The following GNAZ variants were observed in gnomAD, a reference collection of about 807,000 sequenced individuals.
The protein encoded by GNAZ is G protein subunit alpha z.
A neutral mutation model predicts 25.4 loss-of-function variants in GNAZ; 3 were observed. The observed-to-expected ratio is 0.12, with a 90% CI of 0.05 to 0.30. The LOEUF is 0.30. Ranked by LOEUF, GNAZ falls within the 10% of genes least tolerant of loss-of-function variation. The pLI is 1.00. For synonymous variants in GNAZ, 211 were observed against 205.7 expected (o/e 1.03, Z -0.22); for missense variants, 241 against 501.8 (o/e 0.48, Z 4.97).
chr22:23,075,225 C>G (rs995523894), intron 1 of GNAZ, among the ~76,000 whole-genome samples: 1 of 152,122 alleles, frequency 6.6e-6, no homozygotes, highest in East Asian at 1.9e-4. Flanking sequence ...CCTGAGTGGG[C>G]GGGTGGGTTG....
chr22:23,081,504 T>C (rs546280803), intron 1 of GNAZ, among the ~76,000 whole-genome samples: 8 of 152,102 alleles, frequency 5.3e-5, no homozygotes, highest in Admixed American at 4.6e-4. Context: ...ATTAGAAATA[T>C]ATGTTATAGG....
At chr22:23,115,275 A>C (rs2069792137) in intron 2 of GNAZ, among the ~76,000 whole-genome samples, 1 of 152,178 alleles carries the variant, frequency 6.6e-6, no homozygotes. Context: ...GAGGTATGTG[A>C]CAAGGCTCTG....
Position 23,123,626 on chromosome 22 carries a change from C to T in GNAZ, c.*195C>T, listed in dbSNP as rs943733737. The T allele has an allele frequency of 3.7e-5, 22 of 591,974 alleles. No homozygotes were observed. In the African/African-American group the frequency reaches 4.1e-4, roughly 11 times the overall value. The allele number at this position is 591,974 out of a possible 1,614,324, so 36.7% of individuals were successfully genotyped here. A position where few individuals can be genotyped will look rare whatever the true frequency, so the allele number is the denominator to read the frequency against. On this transcript the variant is annotated 3_prime_UTR_variant, in exon 3 of 3. Transcript: ENST00000615612. The stretch of plus-strand genomic sequence containing the variant: ...ACGGATAGATTGCTAGGTAGATAGA[C>T]ACACACACATGCACACACACACATC...
chr22:23,095,281 G>C lies in GNAZ; in HGVS notation c.-415G>C. The C allele has an allele frequency of 5.1e-6, 1 of 196,122 alleles. No individual in the cohort carries two copies. Among genetic ancestry groups the C allele is most frequent in the Non-Finnish European group, 1.0e-5 (1 of 95,728 alleles). The allele number at this position is 196,122 out of a possible 1,614,324, so 12.1% of individuals were successfully genotyped here. A position where few individuals can be genotyped will look rare whatever the true frequency, so the allele number is the denominator to read the frequency against. The stretch of plus-strand genomic sequence containing the variant: ...TGGATGCACAGTGGGAGCCGGAGGC[G>C]GGGGGCTGCAGGGAGCACACCAGCG... On this transcript the variant is annotated 5_prime_UTR_variant, in exon 2 of 3. Transcript: ENST00000615612.
At chr22:23,105,005 G>A (rs574624751) in intron 2 of GNAZ, among the ~76,000 whole-genome samples, 2 of 152,248 alleles carry the variant, frequency 1.3e-5, no homozygotes, top group Non-Finnish European at 2.9e-5. Context: ...CAGCCCAGGA[G>A]CCTGGCTGCA....
In GNAZ at chr22:23,123,518, C is replaced by A; in HGVS notation, c.*87C>A. On this transcript the variant is annotated 3_prime_UTR_variant, in exon 3 of 3. Coordinates refer to ENST00000615612, the MANE Select transcript of GNAZ (RefSeq NM_002073.4). Reference sequence around the variant, plus strand: ...GTGCTAGAGAGGCCCAATCCAGGGGCAGAAAACAGGGGGCCTAAAGAATGT... The same window carrying A: ...GTGCTAGAGAGGCCCAATCCAGGGGAAGAAAACAGGGGGCCTAAAGAATGT... 1.2e-6 allele frequency: 1 copy of A among 803,450 alleles called. No homozygotes were observed. The highest frequency in any genetic ancestry group is 2.0e-6 in the Non-Finnish European group (1 of 500,828). 49.8% of individuals were successfully genotyped at this position (803,450 alleles called of 1,614,324 possible). A position where few individuals can be genotyped will look rare whatever the true frequency, so the allele number is the denominator to read the frequency against.
At chr22:23,117,810 ATG>A (rs573931639) in intron 2 of GNAZ, among the ~76,000 whole-genome samples, 150 of 152,370 alleles carry the variant, frequency 9.8e-4, no homozygotes, top group African/African-American at 3.4e-3. Flanking sequence ...CCCTGTGTTC[ATG>A]GCCAGGGACA....
intron 1 of GNAZ, among the ~76,000 whole-genome samples, chr22:23,083,886 T>C (rs1310233853): frequency 6.6e-6 from 1 of 152,148 alleles, no homozygotes; most frequent in Admixed American, 6.5e-5. Flanking sequence ...GATGCTGCAG[T>C]AGTCAGGGGT....
Position 23,096,430 on chromosome 22 carries a change from CG to C in GNAZ, c.723+17del. 1 of 1,588,022 alleles carries C rather than the reference CG, an allele frequency of 6.3e-7. No individual in the cohort carries two copies. On this transcript the variant is annotated intron_variant, in intron 2 of 2. Transcript: ENST00000615612. ...AGGATAACCAGACAGTAAGTGGGGC[CG>C]GGGGTTTTCCTCTGCTTGTTCCTGC...
At position 23,095,605 on chromosome 22, in the gene GNAZ, G is replaced by A; in HGVS notation, c.-91G>A. 1 of 1,423,096 alleles carries A rather than the reference G, an allele frequency of 7.0e-7. No individual in the cohort carries two copies. The allele number at this position is 1,423,096 out of a possible 1,614,324, so 88.2% of individuals were successfully genotyped here. On this transcript the variant is annotated 5_prime_UTR_variant, in exon 2 of 3. Transcript: ENST00000615612. Reference sequence around the variant, plus strand: ...CACTGAGTGCCTCCAGGGCAGCTGGGCTCTTGTCTGCCTGGTCTCAGTGTC... The same window carrying A: ...CACTGAGTGCCTCCAGGGCAGCTGGACTCTTGTCTGCCTGGTCTCAGTGTC...
Position 23,093,691 on chromosome 22 carries a change from G to A in GNAZ, c.-449-1556G>A, listed in dbSNP as rs192177375. On this transcript the variant is annotated intron_variant, in intron 1 of 2. Transcript: ENST00000615612. Reference sequence around the variant, plus strand: ...ACAGGCTCTGAGATGGGAGTAAGTCGCCAGAGGCCACACAACCTGGGAGAG... The same window carrying A: ...ACAGGCTCTGAGATGGGAGTAAGTCACCAGAGGCCACACAACCTGGGAGAG... 7.9e-4 allele frequency among the ~76,000 whole-genome samples: 121 copies of A among 152,304 alleles called. 1 individual carries two copies. Among genetic ancestry groups the A allele is most frequent in the East Asian group, 1.9e-4 (1 of 5,174 alleles).
At chr22:23,099,718 A>C (rs1465465130) in intron 2 of GNAZ, among the ~76,000 whole-genome samples, 1 of 152,240 alleles carries the variant, frequency 6.6e-6, no homozygotes, top group Non-Finnish European at 1.5e-5. Flanking sequence ...TCTTTAGTAC[A>C]TTCACACAAG....
At chr22:23,112,941 A>C (rs2069695990) in intron 2 of GNAZ, among the ~76,000 whole-genome samples, 1 of 152,202 alleles carries the variant, frequency 6.6e-6, no homozygotes, top group Non-Finnish European at 1.5e-5. Flanking sequence ...ACCAGCCAAG[A>C]GACCAGGAGC....
At chr22:23,116,657 G>C (rs778531004) in intron 2 of GNAZ, among the ~76,000 whole-genome samples, 2 of 152,204 alleles carry the variant, frequency 1.3e-5, no homozygotes, top group Admixed American at 6.5e-5. Flanking sequence ...AGGGTGTAAT[G>C]GACTGGAGGT....
At chr22:23,074,586 G>T (rs904910149) in intron 1 of GNAZ, among the ~76,000 whole-genome samples, 6 of 152,172 alleles carry the variant, frequency 3.9e-5, no homozygotes, top group Admixed American at 6.5e-5. Flanking sequence ...TGTGTGGCAG[G>T]CCGGGGACCA....
At chr22:23,070,881 G>T (rs940670091) in intron 1 of GNAZ, 1 of 152,204 alleles carries the variant, frequency 6.6e-6, no homozygotes, top group African/African-American at 2.4e-5. Flanking sequence ...GGGATGCCGC[G>T]CGGGGCCGCC....
rs897685651 is a variant in GNAZ, at chr22:23,124,711, G to T, written c.*1280G>T. 5.3e-6 allele frequency: 1 copy of T among 186,946 alleles called. No individual in the cohort carries two copies. Among genetic ancestry groups the T allele is most frequent in the Non-Finnish European group, 1.1e-5 (1 of 87,480 alleles). 11.6% of individuals were successfully genotyped at this position (186,946 alleles called of 1,614,324 possible). On this transcript the variant is annotated 3_prime_UTR_variant, in exon 3 of 3. Transcript: ENST00000615612. The stretch of plus-strand genomic sequence containing the variant: ...TGGAAATGCTCTGACTCCTGTGAAG[G>T]CACAGCCAGCGTTGTGGCCTGAGGG...
intron 2 of GNAZ, among the ~76,000 whole-genome samples, chr22:23,114,376 G>A (rs2069755796): frequency 6.6e-6 from 1 of 152,180 alleles, no homozygotes; most frequent in Non-Finnish European, 1.5e-5. Flanking sequence ...GCCCAGGGTG[G>A]GACAGACCGG....
intron 2 of GNAZ, among the ~76,000 whole-genome samples, chr22:23,102,822 A>G (rs562030353): frequency 1.3e-5 from 2 of 152,286 alleles, no homozygotes; most frequent in East Asian, 3.9e-4. Flanking sequence ...TTCCACCATG[A>G]TGACGTTGTC....
Sources: allele counts gnomAD v4.1 joint callset (sites outside exome capture counted in the v4.1 genomes callset), GRCh38; gene constraint gnomAD v4.1.1; transcripts MANE v1.5; gene names NCBI Gene and HGNC (gene_info 2026-07-23, HGNC 2026-07-21).